The following CEP126 variants were observed in gnomAD, a reference collection of about 807,000 sequenced individuals.
CEP126 encodes the protein centrosomal protein 126.
A neutral mutation model predicts 107.8 loss-of-function variants in CEP126; 74 were observed. The observed-to-expected ratio is 0.69, with a 90% confidence interval of 0.57 to 0.83. The LOEUF (loss-of-function observed/expected upper bound fraction) is 0.83. CEP126 is among the 40% of genes least tolerant of loss of function. The pLI is 0.00. For synonymous variants in CEP126, 449 were observed against 446.0 expected (o/e 1.01, Z -0.08); for missense variants, 1,237 against 1,281.9 (o/e 0.96, Z 0.53).
intron 2 of CEP126, among the ~76,000 whole-genome samples, chr11:101,933,741 G>A (rs528579474): frequency 2.3e-4 from 35 of 150,976 alleles, no homozygotes; most frequent in South Asian, 4.2e-4. Flanking sequence ...AAATATAAAC[G>A]CCAATCATGT....
chr11:101,942,187 T>A (rs907880177), intron 2 of CEP126, among the ~76,000 whole-genome samples: 1 of 152,184 alleles, frequency 6.6e-6, no homozygotes, highest in Non-Finnish European at 1.5e-5. Context: ...TAGTGTCATA[T>A]CAAGAAATTA....
At chr11:101,971,082 C>T (rs1276655907) in intron 6 of CEP126, among the ~76,000 whole-genome samples, 1 of 152,178 alleles carries the variant, frequency 6.6e-6, no homozygotes, top group Non-Finnish European at 1.5e-5. Flanking sequence ...ATCCTCCCAT[C>T]TCAGCCCCCT....
chr11:101,923,995 T>G (rs1940370539), intron 2 of CEP126, among the ~76,000 whole-genome samples: 2 of 152,208 alleles, frequency 1.3e-5, no homozygotes. Context: ...ATTATTAATG[T>G]TTATCAGTTG....
In CEP126 at chr11:101,920,344, G is replaced by T. The variant is rs555864913; in HGVS notation, c.129-2297G>T. Among the ~76,000 whole-genome samples the T allele has an allele frequency of 1.4e-4, 21 of 152,104 alleles. No individual in the cohort carries two copies. In the East Asian group the frequency reaches 2.3e-3, roughly 17 times the overall value. On this transcript the variant is annotated intron_variant, in intron 1 of 10. Coordinates refer to ENST00000263468, the MANE Select transcript of CEP126 (RefSeq NM_020802.4). ...ATGTTGAATTAACAAATTATGTACC[G>T]CATAGTTTATTATTGAGTGTATTTC...
At chr11:101,944,584 T>A (rs1440447643) in intron 3 of CEP126, among the ~76,000 whole-genome samples, 174 bp downstream of exon 3, 1 of 152,162 alleles carries the variant, frequency 6.6e-6, no homozygotes. Context: ...TTAGGTTTAA[T>A]TGAGAGAATA....
intron 2 of CEP126, among the ~76,000 whole-genome samples, chr11:101,931,314 TGTC>T (rs1940495980): frequency 1.3e-5 from 2 of 152,222 alleles, no homozygotes; most frequent in African/African-American, 4.8e-5. Context: ...ACATTTCATT[TGTC>T]GTCTTTTCCA....
intron 4 of CEP126, chr11:101,956,285 C>T: frequency 2.2e-6 from 1 of 456,408 alleles, no homozygotes; most frequent in Middle Eastern, 3.3e-4. Context: ...TTCCCCAACC[C>T]CTTTGGAACC....
rs143317099 is a variant in CEP126 at position 101,963,244 on chromosome 11, C to A, written c.2209C>A (p.Pro737Thr). Residue 737 changes from proline to threonine, a missense_variant, in exon 6 of 11, where the codon CCT (proline) becomes ACT (threonine). Coordinates refer to ENST00000263468, the MANE Select transcript of CEP126 (RefSeq NM_020802.4). Reference sequence around the variant, plus strand: ...CTCAAAAAAAGAAGAAAGTAAAATCCCTGTACATGATGATTCTAAAACTAA... The same window carrying A: ...CTCAAAAAAAGAAGAAAGTAAAATCACTGTACATGATGATTCTAAAACTAA... The part of the protein sequence containing the change: ...PASKKEESKI[P>T]VHDDSKTKQG... The A allele has an allele frequency of 1.5e-4, 242 of 1,613,880 alleles. 1 individual carries two copies. In the African/African-American group the frequency reaches 2.9e-3, roughly 19 times the overall value.
chr11:101,985,946 G>A (rs549736782), intron 8 of CEP126, among the ~76,000 whole-genome samples: 2 of 148,572 alleles, frequency 1.3e-5, no homozygotes, highest in South Asian at 2.1e-4. Flanking sequence ...AATTTCTTAC[G>A]AATTTGTTTA....
In CEP126 at chr11:101,922,659, G is replaced by A; in HGVS notation, c.147G>A (p.Leu49=). Residue 49 remains leucine, a synonymous_variant, in exon 2 of 11, where the codon CTG becomes CTA. Transcript: ENST00000263468. The stretch of plus-strand genomic sequence containing the variant: ...TCATTAGAGATATGAAAATCCATCT[G>A]GAGAAAAATTTAGAAGAAGAGCGCC... ...PGSYLDMKIH[L]EKNLEEERQI... 1 of 1,606,442 alleles carries A rather than the reference G, an allele frequency of 6.2e-7. No homozygotes were observed. Among genetic ancestry groups the A allele is most frequent in the Non-Finnish European group, 8.5e-7 (1 of 1,173,598 alleles).
At chr11:101,971,838 G>A (rs182855062) in intron 6 of CEP126, among the ~76,000 whole-genome samples, 2 of 152,218 alleles carry the variant, frequency 1.3e-5, no homozygotes, top group East Asian at 1.9e-4. Context: ...GCCAGGTGCC[G>A]TGGCTCACGC....
At chr11:101,967,325 A>G (rs1428644468) in intron 6 of CEP126, among the ~76,000 whole-genome samples, 1 of 151,972 alleles carries the variant, frequency 6.6e-6, no homozygotes, top group Admixed American at 6.6e-5. Flanking sequence ...CAGGTTCATC[A>G]TTTCAATAGT....
chr11:101,934,344 C>G lies in CEP126; in HGVS notation c.249-9921C>G, dbSNP rs1940546003. On this transcript the variant is annotated intron_variant, in intron 2 of 10. Coordinates refer to ENST00000263468, the MANE Select transcript of CEP126 (RefSeq NM_020802.4). Reference sequence around the variant, plus strand: ...GAACTTCACGCATTCAATGGCACATCACCTCAACTATTTACAGTTACTACT... The same window carrying G: ...GAACTTCACGCATTCAATGGCACATGACCTCAACTATTTACAGTTACTACT... 3.3e-5 allele frequency among the ~76,000 whole-genome samples: 5 copies of G among 152,114 alleles called. No individual in the cohort carries two copies. The South Asian group carries it at 1.0e-3, about 32-fold the overall frequency.
In CEP126 at chr11:101,918,293, C is replaced by G. The variant is rs551565449; in HGVS notation, c.128+2881C>G. 2.8e-3 allele frequency among the ~76,000 whole-genome samples: 425 copies of G among 152,084 alleles called. 1 individual carries two copies. Among genetic ancestry groups the G allele is most frequent in the Non-Finnish European group, 4.9e-3 (330 of 67,982 alleles). ...TGAAACCATATCTCTACAAAAAATACAAAAATTAGCTGTGTGTTGTGGTGC... is the reference window on the plus strand; with the variant it reads ...TGAAACCATATCTCTACAAAAAATAGAAAAATTAGCTGTGTGTTGTGGTGC... On this transcript the variant is annotated intron_variant, in intron 1 of 10. Transcript: ENST00000263468.
rs1941487877 is a variant in CEP126 at position 101,999,922 on chromosome 11, C to G, written c.*2279C>G. On this transcript the variant is annotated 3_prime_UTR_variant, in exon 11 of 11. Transcript: ENST00000263468. ...TGTTGGCTGTGCACGGTAGCTTATG[C>G]CTGTAATCTCAGCACTTTGGGAGGC... The G allele has an allele frequency of 6.6e-6, 1 of 152,328 alleles. No individual in the cohort carries two copies. Among genetic ancestry groups the G allele is most frequent in the Non-Finnish European group, 1.5e-5 (1 of 68,218 alleles). 9.4% of individuals were successfully genotyped at this position (152,328 alleles called of 1,614,324 possible).
Position 101,962,593 on chromosome 11 carries a change from GAC to G in CEP126, c.1560_1561del (p.Asp520GlufsTer12). 6.2e-7 allele frequency: 1 copy of G among 1,613,620 alleles called. No homozygotes were observed. The highest frequency in any genetic ancestry group is 2.2e-5 in the East Asian group (1 of 44,842). The part of the protein sequence containing the change: ...CNKEELPLFS[D>X]SFQDAYIPHN... ...TAAGGAAGAGTTGCCTTTATTTTCA[GAC>G]AGTTTTCAAGATGCCTATATACCTC... is the stretch of plus-strand genomic sequence containing the variant. On this transcript the variant is annotated frameshift_variant, in exon 6 of 11. Transcript: ENST00000263468. LOFTEE classifies it high-confidence loss of function.
chr11:101,962,193 C>T lies in CEP126; in HGVS notation c.1158C>T (p.Thr386=), dbSNP rs1455263750. The stretch of plus-strand genomic sequence containing the variant: ...TACTAGATAAAAAATGTGAAAAGAC[C>T]TCTGAAACTAGCACTATGAGGACAA... The part of the protein sequence containing the change: ...MFVLDKKCEK[T]SETSTMRTTD... The change falls in exon 6 of 11, where the codon ACC becomes ACT. Residue 386 remains threonine (T), a synonymous_variant. Transcript: ENST00000263468. The T allele has an allele frequency of 3.1e-6, 5 of 1,613,618 alleles. No individual in the cohort carries two copies. In the African/African-American group the frequency reaches 5.3e-5, roughly 17 times the overall value.
At position 101,915,391 on chromosome 11, in the gene CEP126, A is replaced by G; in HGVS notation, c.107A>G (p.His36Arg). Residue 36 changes from histidine to arginine, a missense_variant, in exon 1 of 11, where the codon CAT becomes CGT. His to Arg is a conservative substitution (Grantham distance 29). This residue lies in a region of CEP126 where 1,134 missense variants were observed against 1,150.5 expected (regional missense o/e 0.99). Coordinates refer to ENST00000263468, the MANE Select transcript of CEP126 (RefSeq NM_020802.4). ...CTCGGCCCTCGGGAGAGCGGCGGGC[A>G]TCACCGACCTGGCTCTTACCTGTAT... ...APLGPRESGG[H>R]HRPGSYLDMK... 3 of 1,610,208 alleles carry G rather than the reference A, an allele frequency of 1.9e-6. No homozygotes were observed. Among genetic ancestry groups the G allele is most frequent in the South Asian group, 1.1e-5 (1 of 91,004 alleles).
Position 101,997,985 on chromosome 11 carries a change from G to T in CEP126, c.*342G>T. ...TCACAGTGCTCCTTTGCAATTTATA[G>T]ATTTCATGTTGAAATATATGTTAAA... On this transcript the variant is annotated 3_prime_UTR_variant, in exon 11 of 11. Coordinates refer to ENST00000263468, the MANE Select transcript of CEP126 (RefSeq NM_020802.4). 4.9e-6 allele frequency: 1 copy of T among 203,892 alleles called. No individual in the cohort carries two copies. The highest frequency in any genetic ancestry group is 9.8e-6 in the Non-Finnish European group (1 of 101,796). The allele number at this position is 203,892 out of a possible 1,614,324, so 12.6% of individuals were successfully genotyped here. A position where few individuals can be genotyped will look rare whatever the true frequency, so the allele number is the denominator to read the frequency against.
Sources: gnomAD v4.1 joint callset for allele counts (sites outside exome capture counted in the v4.1 genomes callset) on GRCh38, gnomAD v4.1.1 for gene constraint, gnomAD v4.1.1 regional missense constraint, MANE v1.5 for transcripts, NCBI Gene and HGNC (gene_info 2026-07-23, HGNC 2026-07-21) for gene names.